ERAP1: variants seen among roughly 807,000 people sequenced by gnomAD.
ERAP1 encodes adipocyte-derived leucine aminopeptidase.
A neutral mutation model predicts 103.7 loss-of-function variants in ERAP1; 86 were observed. The ratio of observed to expected loss-of-function variants is 0.83; its 90% confidence interval spans 0.70 to 0.99. The LOEUF is 0.99. Ranked by LOEUF, ERAP1 falls within the 50% of genes least tolerant of loss-of-function variation. The probability of loss-of-function intolerance (pLI) is 0.00; values close to 1 mark genes in which losing one functional copy is unlikely to be tolerated. For missense variants in ERAP1, 1,009 were observed against 1,128.4 expected, an observed-to-expected ratio of 0.89 and a Z score of 1.52; for synonymous variants, 398 against 402.4, an observed-to-expected ratio of 0.99 and a Z score of 0.13.
At chr5:96,908,833 TAAACTG>T in the ERAP1 span, 1 of 973,472 alleles carries the variant, frequency 1.0e-6, no homozygotes, top group Admixed American at 2.9e-5. Context: ...AGCTAAGATT[TAAACTG>T]AATGGCCCAG....
chr5:96,931,191 C>T, the ERAP1 span, among the ~76,000 whole-genome samples: 3 of 150,858 alleles, frequency 2.0e-5, no homozygotes, highest in African/African-American at 7.3e-5. Context: ...GGATCTCACT[C>T]TGTTGCCCAG....
the ERAP1 span, among the ~76,000 whole-genome samples, chr5:96,915,020 T>C: frequency 6.6e-6 from 1 of 152,182 alleles, no homozygotes. Flanking sequence ...TAATTTATTT[T>C]TTTTGAGACG....
chr5:96,903,252 A>T, the ERAP1 span: 1 of 714,282 alleles, frequency 1.4e-6, no homozygotes, highest in Non-Finnish European at 2.2e-6. Context: ...GAATATCATT[A>T]TGACTCTCCC....
the ERAP1 span, among the ~76,000 whole-genome samples, chr5:96,815,572 C>T: frequency 2.6e-5 from 4 of 151,812 alleles, no homozygotes; most frequent in Non-Finnish European, 5.9e-5. Flanking sequence ...CCACCACATC[C>T]GGCTAATTTT....
chr5:96,767,629 T>G, intron 19 of ERAP1: 1 of 668,420 alleles, frequency 1.5e-6, no homozygotes, highest in East Asian at 2.7e-5. Flanking sequence ...GTGTGACTAT[T>G]GTTTACCTCT....
the ERAP1 span, among the ~76,000 whole-genome samples, chr5:96,847,372 A>G: frequency 6.6e-6 from 1 of 152,180 alleles, no homozygotes; most frequent in African/African-American, 2.4e-5. Flanking sequence ...GCACAATACT[A>G]GTAGAGGATT....
the ERAP1 span, among the ~76,000 whole-genome samples, chr5:96,911,985 C>T: frequency 1.3e-5 from 2 of 149,576 alleles, no homozygotes; most frequent in African/African-American, 4.9e-5. Context: ...GTCAGGAAAT[C>T]GAGACCATCC....
rs1482121749 is a variant in ERAP1, at chr5:96,774,781, A to G, written c.*1615T>C. On this transcript the variant is annotated 3_prime_UTR_variant, in exon 19 of 19. Coordinates refer to ENST00000443439, the MANE Select transcript of ERAP1 (RefSeq NM_001040458.3). ...TTTATTAAACCATTCACTACAACAA[A>G]TAAGTATAAAAATTCCAATTCCACT... 3 of 984,566 alleles carry G rather than the reference A, an allele frequency of 3.0e-6. No homozygotes were observed. The East Asian group carries it at 3.3e-4, about 110-fold the overall frequency. The allele number at this position is 984,566 out of a possible 1,614,324, so 61.0% of individuals were successfully genotyped here. A position where few individuals can be genotyped will look rare whatever the true frequency, so the allele number is the denominator to read the frequency against.
chr5:96,793,604 T>C (rs990418462), intron 6 of ERAP1, 91 bp from the exon 7 acceptor site: 8 of 1,135,470 alleles, frequency 7.0e-6, no homozygotes, highest in African/African-American at 3.1e-5. Flanking sequence ...TAACATATAT[T>C]TACAGGACCA....
At chr5:96,862,333 A>G in the ERAP1 span, among the ~76,000 whole-genome samples, 2 of 152,206 alleles carry the variant, frequency 1.3e-5, no homozygotes, top group Non-Finnish European at 2.9e-5. Flanking sequence ...TCTTTAGTGG[A>G]CAAGACATTG....
the ERAP1 span, chr5:96,903,403 A>C: frequency 6.2e-7 from 1 of 1,613,376 alleles, no homozygotes; most frequent in Non-Finnish European, 8.5e-7. Context: ...TGAAAAGACC[A>C]GTTGGGTGAA....
At chr5:96,830,142 A>T in the ERAP1 span, among the ~76,000 whole-genome samples, 1 of 152,168 alleles carries the variant, frequency 6.6e-6, no homozygotes, top group Non-Finnish European at 1.5e-5. Flanking sequence ...ATGAGAGCCT[A>T]TGGGACTGCA....
At position 96,797,286 on chromosome 5, in the gene ERAP1, T is replaced by A. The variant is rs745524390; in HGVS notation, c.687A>T (p.Glu229Asp). 14 of 1,614,034 alleles carry A rather than the reference T, an allele frequency of 8.7e-6. No individual in the cohort carries two copies. Among genetic ancestry groups the A allele is most frequent in the Non-Finnish European group, 9.3e-6 (11 of 1,180,006 alleles). The change falls in exon 4 of 19, where the codon GAA becomes GAT. Residue 229 changes from glutamate to aspartate, a missense_variant. Glu to Asp is a conservative substitution (Grantham distance 45). This residue lies in a region of ERAP1 where 392 missense variants were observed against 455.2 expected (regional missense o/e 0.86). Transcript: ENST00000443439. Reference protein sequence around the residue: ...MPLVKSVTVAEGLIEDHFDVT... With the variant: ...MPLVKSVTVADGLIEDHFDVT... The stretch of plus-strand genomic sequence containing the variant: ...CATCAAAATGGTCTTCTATGAGTCC[T>A]TCAGCAACAGTCACAGATTTCACCT...
intron 19 of ERAP1, chr5:96,767,897 C>A (rs1375001996): frequency 1.3e-6 from 2 of 1,590,774 alleles, no homozygotes; most frequent in Non-Finnish European, 1.7e-6. Context: ...TATTTCTACT[C>A]ATATCTCAGA....
intron 16 of ERAP1, 42 bp from the exon 17 acceptor site, chr5:96,781,240 A>G: frequency 6.3e-7 from 1 of 1,586,276 alleles, no homozygotes; most frequent in South Asian, 1.1e-5. Context: ...TGAATAGGTG[A>G]TGAAACAGTT....
chr5:96,794,220 T>A (rs886762259), intron 5 of ERAP1, among the ~76,000 whole-genome samples: 6 of 134,144 alleles, frequency 4.5e-5, no homozygotes, highest in African/African-American at 1.6e-4. Context: ...TCCCACTCTG[T>A]CACCCATACT....
the ERAP1 span, among the ~76,000 whole-genome samples, chr5:96,904,923 CA>C: frequency 7.2e-5 from 11 of 152,240 alleles, no homozygotes; most frequent in South Asian, 2.3e-3. Context: ...ATGAAAATTT[CA>C]AGAAGATTTC....
chr5:96,779,867 C>A (rs1035667863), intron 18 of ERAP1, among the ~76,000 whole-genome samples: 1 of 152,178 alleles, frequency 6.6e-6, no homozygotes, highest in Non-Finnish European at 1.5e-5. Flanking sequence ...GTGATAAATT[C>A]AGGGGACAAT....
At chr5:96,778,492 G>C (rs1243833152) in intron 18 of ERAP1, among the ~76,000 whole-genome samples, 1 of 152,160 alleles carries the variant, frequency 6.6e-6, no homozygotes, top group Non-Finnish European at 1.5e-5. Flanking sequence ...GGTAGCCCAG[G>C]AGCAGAAGGA....
Sources: allele counts gnomAD v4.1 joint callset (sites outside exome capture counted in the v4.1 genomes callset), GRCh38; gene constraint gnomAD v4.1.1; regional missense constraint gnomAD v4.1.1; transcripts MANE v1.5; gene names NCBI Gene and HGNC (gene_info 2026-07-23, HGNC 2026-07-21).